The following KIAA1755 variants were observed in gnomAD, a reference collection of about 807,000 sequenced individuals.
KIAA1755 encodes KIAA1755, also known as uncharacterized protein KIAA1755.
KIAA1755 carries 68 observed loss-of-function variants against 91.7 expected under a neutral mutation model. The observed-to-expected ratio is 0.74, with a 90% CI of 0.61 to 0.91. The LOEUF (loss-of-function observed/expected upper bound fraction) is 0.91. KIAA1755 is among the 40% of genes least tolerant of loss of function. KIAA1755 has a pLI of 0.00. For missense variants in KIAA1755, 1,535 were observed against 1,494.4 expected (o/e 1.03, Z -0.45); for synonymous variants, 610 against 604.6 (o/e 1.01, Z -0.13).
chr20:38,223,570 A>T lies in KIAA1755; in HGVS notation c.2236T>A (p.Phe746Ile). ...CCCCCAGGGGGGTCGGCCTTCTCGA[A>T]TTCCTCGATGGAAGCTTGTAGCAGG... The part of the protein sequence containing the change: ...SSLLQASIEE[F>I]EKADPPGGMQ... The change falls in exon 9 of 14, where the codon TTC becomes ATC. Residue 746 changes from phenylalanine (F) to isoleucine (I), a missense_variant. Coordinates refer to ENST00000279024, the MANE Select transcript of KIAA1755 (RefSeq NM_001029864.2). The T allele has an allele frequency of 6.2e-7, 1 of 1,600,418 alleles. No individual in the cohort carries two copies. The highest frequency in any genetic ancestry group is 1.4e-5 in the African/African-American group (1 of 73,988).
chr20:38,221,043 C>G (rs2075649956), intron 10 of KIAA1755, among the ~76,000 whole-genome samples: 2 of 152,244 alleles, frequency 1.3e-5, no homozygotes, highest in African/African-American at 2.4e-5. Flanking sequence ...GGAAGAAAAG[C>G]TTTTGACTTC....
In KIAA1755 at chr20:38,240,660, G is replaced by T; in HGVS notation, c.1471C>A (p.Leu491Ile). The part of the protein sequence containing the change: ...QPSVTPEKAS[L>I]QHNGPWKVLC... Reference sequence around the variant, plus strand: ...ACTTTCCAGGGCCCATTGTGCTGGAGTGAGGCTTTCTCCGGGGTCACAGAG... The same window carrying T: ...ACTTTCCAGGGCCCATTGTGCTGGATTGAGGCTTTCTCCGGGGTCACAGAG... The change falls in exon 3 of 14, where the codon CTC becomes ATC. Residue 491 changes from leucine (L) to isoleucine (I), a missense_variant. Physicochemically the swap from Leu to Ile is conservative, Grantham distance 5. Coordinates refer to ENST00000279024, the MANE Select transcript of KIAA1755 (RefSeq NM_001029864.2). 1 of 1,540,324 alleles carries T rather than the reference G, an allele frequency of 6.5e-7. No homozygotes were observed. Among genetic ancestry groups the T allele is most frequent in the South Asian group, 1.3e-5 (1 of 78,050 alleles).
At chr20:38,217,532 C>G (rs559488213) in intron 12 of KIAA1755, 58 bp from the exon 13 acceptor site, 2 of 1,295,538 alleles carry the variant, frequency 1.5e-6, no homozygotes, top group Non-Finnish European at 2.2e-6. Flanking sequence ...GGGCCTCCCT[C>G]GGAGGTCAGC....
intron 13 of KIAA1755, among the ~76,000 whole-genome samples, chr20:38,215,275 C>T (rs1001997548): frequency 1.3e-5 from 2 of 152,348 alleles, no homozygotes; most frequent in South Asian, 2.1e-4. Flanking sequence ...AGGGTTGCTA[C>T]CTCCCCCGTA....
intron 3 of KIAA1755, 132 bp from the exon 4 acceptor site, chr20:38,239,857 G>C: frequency 1.2e-6 from 1 of 852,624 alleles, no homozygotes; most frequent in Non-Finnish European, 1.9e-6. Context: ...GCCAGGCATT[G>C]CGCTAAGCCC....
chr20:38,217,121 T>G, intron 13 of KIAA1755, 132 bp downstream of exon 13: 2 of 731,374 alleles, frequency 2.7e-6, no homozygotes, highest in Non-Finnish European at 4.5e-6. Context: ...GGGGGCTGTG[T>G]CTAGGTATCC....
chr20:38,222,619 C>T (rs888607778), intron 9 of KIAA1755, 22 bp from the exon 10 acceptor site: 2 of 1,608,972 alleles, frequency 1.2e-6, no homozygotes, highest in Middle Eastern at 1.7e-4. Flanking sequence ...GGGAGGTGCC[C>T]TGAGGCCCCA....
intron 1 of KIAA1755, among the ~76,000 whole-genome samples, chr20:38,252,295 T>C (rs1229264879): frequency 2.0e-5 from 3 of 152,196 alleles, no homozygotes; most frequent in Non-Finnish European, 4.4e-5. Flanking sequence ...AGTCCCAGCC[T>C]CTGTGTGAAG....
intron 4 of KIAA1755, among the ~76,000 whole-genome samples, chr20:38,232,422 C>T (rs1014243075): frequency 6.6e-6 from 1 of 151,598 alleles, no homozygotes; most frequent in African/African-American, 2.4e-5. Flanking sequence ...GTCAGGAGAT[C>T]GACACCATCC....
chr20:38,226,605 A>G (rs555299134), intron 7 of KIAA1755, among the ~76,000 whole-genome samples: 1 of 152,346 alleles, frequency 6.6e-6, no homozygotes, highest in African/African-American at 2.4e-5. Context: ...GAAGCAGGAC[A>G]GAGGACTGAC....
chr20:38,245,808 C>T (rs907239989), intron 2 of KIAA1755, 121 bp downstream of exon 2: 7 of 877,122 alleles, frequency 8.0e-6, no homozygotes, highest in South Asian at 1.6e-5. Flanking sequence ...GAAAGTCCCC[C>T]CACACCCTCA....
At chr20:38,219,226 G>C (rs1348147799) in intron 11 of KIAA1755, among the ~76,000 whole-genome samples, 2 of 152,006 alleles carry the variant, frequency 1.3e-5, no homozygotes, top group Admixed American at 6.5e-5. Context: ...AGCCACACCA[G>C]GTGCAGGTTC....
In KIAA1755 at chr20:38,240,860, C is replaced by A. The variant is rs768457929; in HGVS notation, c.1271G>T (p.Arg424Leu). Residue 424 changes from arginine (R) to leucine (L), a missense_variant, in exon 3 of 14, where the codon CGC becomes CTC. Coordinates refer to ENST00000279024, the MANE Select transcript of KIAA1755 (RefSeq NM_001029864.2). ...AGCTGCAGGAGAAGCTGGGGACAGG[C>A]GGGGAGAGGAGGCTTGTCTTGGTCC... ...RPGPRQASSPRLSPASPAAAA... is the reference protein window; with the variant it reads ...RPGPRQASSPLLSPASPAAAA... The A allele has an allele frequency of 1.9e-6, 3 of 1,614,028 alleles. No homozygotes were observed. Among genetic ancestry groups the A allele is most frequent in the Non-Finnish European group, 1.7e-6 (2 of 1,180,006 alleles).
chr20:38,219,733 A>G lies in KIAA1755; in HGVS notation c.2453T>C (p.Leu818Pro). Residue 818 changes from leucine to proline, a missense_variant, in exon 11 of 14, where the codon CTT becomes CCT. Leu to Pro is a moderately conservative substitution (Grantham distance 98). Coordinates refer to ENST00000279024, the MANE Select transcript of KIAA1755 (RefSeq NM_001029864.2). ...CAGAACATGAAGCTGCTCGTCCACAAGGCTGTACAAGGCAGTGGCTGCAGC... is the reference window on the plus strand; with the variant it reads ...CAGAACATGAAGCTGCTCGTCCACAGGGCTGTACAAGGCAGTGGCTGCAGC... ...HLAAATALYS[L>P]VDEQLHVLVT... The G allele has an allele frequency of 6.2e-7, 1 of 1,614,162 alleles. No individual in the cohort carries two copies. The highest frequency in any genetic ancestry group is 1.1e-5 in the South Asian group (1 of 91,088).
intron 4 of KIAA1755, among the ~76,000 whole-genome samples, chr20:38,235,111 A>G (rs1225104858): frequency 7.6e-6 from 1 of 132,448 alleles, no homozygotes; most frequent in East Asian, 2.3e-4. Context: ...AGCAATTAAA[A>G]GCATTTTTTC....
chr20:38,226,297 C>T (rs1045377142), intron 7 of KIAA1755, among the ~76,000 whole-genome samples: 1 of 152,170 alleles, frequency 6.6e-6, no homozygotes, highest in African/African-American at 2.4e-5. Context: ...GAGGTTTATG[C>T]TGGGAATAGC....
At position 38,217,286 on chromosome 20, in the gene KIAA1755, C is replaced by T; in HGVS notation, c.2868G>A (p.Glu956=). 1 of 1,606,486 alleles carries T rather than the reference C, an allele frequency of 6.2e-7. No individual in the cohort carries two copies. The highest frequency in any genetic ancestry group is 8.5e-7 in the Non-Finnish European group (1 of 1,177,356). ...AGAAGCGGTGCAGGTGGAGCAGCGT[C>T]TCGAGGTCCGTGCGTTGCCGCTCGG... ...MAAERQRTDL[E]TLLHLHRFCK... Residue 956 remains glutamate (E), a synonymous_variant, in exon 13 of 14, where the codon GAG becomes GAA. Transcript: ENST00000279024.
Position 38,231,302 on chromosome 20 carries a change from G to T in KIAA1755, c.1771C>A (p.Pro591Thr). The stretch of plus-strand genomic sequence containing the variant: ...TCTGTAGTTGACACCAGAAGCAGGG[G>T]CCGCCCGGCCCTGTCCCGGCCACCT... ...LPGGRDRAGR[P>T]LLLVSTTEGA... The change falls in exon 5 of 14, where the codon CCC (proline) becomes ACC (threonine). Residue 591 changes from proline (P) to threonine (T), a missense_variant. By Grantham distance (38) the Pro-to-Thr change is conservative. Coordinates refer to ENST00000279024, the MANE Select transcript of KIAA1755 (RefSeq NM_001029864.2). 2.5e-6 allele frequency: 4 copies of T among 1,611,130 alleles called. No individual in the cohort carries two copies. The highest frequency in any genetic ancestry group is 2.5e-6 in the Non-Finnish European group (3 of 1,179,354).
At chr20:38,245,018 T>TCG (rs563367125) in intron 2 of KIAA1755, among the ~76,000 whole-genome samples, 150 of 152,300 alleles carry the variant, frequency 9.8e-4, no homozygotes, top group African/African-American at 3.5e-3. Flanking sequence ...GAGCCACCAC[T>TCG]GCCGGCCTTC....
Sources: gnomAD v4.1 joint callset for allele counts (sites outside exome capture counted in the v4.1 genomes callset) on GRCh38, gnomAD v4.1.1 for gene constraint, MANE v1.5 for transcripts, NCBI Gene and HGNC (gene_info 2026-07-23, HGNC 2026-07-21) for gene names.